The following GRIK1 variants were observed in gnomAD, a reference collection of about 807,000 sequenced individuals.
GRIK1 encodes the protein glutamate ionotropic receptor kainate type subunit 1.
GRIK1 carries 69 observed loss-of-function variants against 105.7 expected under a neutral mutation model. The ratio of observed to expected loss-of-function variants is 0.65; its 90% confidence interval spans 0.54 to 0.80. The LOEUF (loss-of-function observed/expected upper bound fraction) is 0.80. Among genes scored for constraint, GRIK1 ranks in the 30% least tolerant of loss-of-function variants. The pLI is 0.00. For missense variants in GRIK1, 1,109 were observed against 1,167.3 expected, an observed-to-expected ratio of 0.95 and a Z score of 0.73; for synonymous variants, 438 against 431.3, an observed-to-expected ratio of 1.02 and a Z score of -0.19.
intron 1 of GRIK1, among the ~76,000 whole-genome samples, chr21:29,781,470 C>T (rs2066097395): frequency 1.3e-5 from 2 of 152,172 alleles, no homozygotes; most frequent in Non-Finnish European, 2.9e-5. Flanking sequence ...ATTTCCCACT[C>T]TCATTACTCT....
At chr21:29,929,062 T>C (rs2071479408) in intron 1 of GRIK1, among the ~76,000 whole-genome samples, 1 of 152,162 alleles carries the variant, frequency 6.6e-6, no homozygotes, top group African/African-American at 2.4e-5. Context: ...CACATCTTCA[T>C]GCAGCATATC....
intron 1 of GRIK1, among the ~76,000 whole-genome samples, chr21:29,914,316 T>C (rs2146303196): frequency 6.6e-6 from 1 of 152,204 alleles, no homozygotes; most frequent in African/African-American, 2.4e-5. Flanking sequence ...GGGAACACTA[T>C]GTGACCAGTG....
At chr21:29,937,222 G>A (rs1424172681) in intron 1 of GRIK1, among the ~76,000 whole-genome samples, 2 of 152,126 alleles carry the variant, frequency 1.3e-5, no homozygotes, top group East Asian at 3.9e-4. Flanking sequence ...AGGTAAAGCT[G>A]GTTTCCACAG....
chr21:29,737,514 G>A (rs1355057292), intron 1 of GRIK1, among the ~76,000 whole-genome samples: 1 of 152,210 alleles, frequency 6.6e-6, no homozygotes, highest in African/African-American at 2.4e-5. Context: ...AGACGTGAAA[G>A]AGAAAACTGT....
intron 1 of GRIK1, among the ~76,000 whole-genome samples, chr21:29,812,113 T>C (rs995089380): frequency 6.6e-6 from 1 of 152,182 alleles, no homozygotes; most frequent in Non-Finnish European, 1.5e-5. Flanking sequence ...TGAATATATA[T>C]GTACGTGTGT....
Position 29,687,026 on chromosome 21 carries a change from G to A in GRIK1, c.544+2702C>T, listed in dbSNP as rs1166088136. On this transcript the variant is annotated intron_variant, in intron 3 of 17. Coordinates refer to ENST00000327783, the MANE Select transcript of GRIK1 (RefSeq NM_001330994.2). ...ACATCCAGGAAAGAGAGAGAAGAGAGACGAGGCGAGACGAAACTTTGCTCC... is the reference window on the plus strand; with the variant it reads ...ACATCCAGGAAAGAGAGAGAAGAGAAACGAGGCGAGACGAAACTTTGCTCC... Among the ~76,000 whole-genome samples the A allele has an allele frequency of 2.0e-5, 3 of 152,204 alleles. No homozygotes were observed. In the East Asian group the frequency reaches 5.8e-4, roughly 29 times the overall value.
rs574810973 is a variant in GRIK1, at chr21:29,741,956, C to A, written c.119-47893G>T. Among the ~76,000 whole-genome samples the A allele has an allele frequency of 7.9e-5, 12 of 152,300 alleles. No individual in the cohort carries two copies. In the South Asian group the frequency reaches 1.2e-3, roughly 16 times the overall value. ...GAAGGAAACAGAGTCCTTTTGAAAG[C>A]TCTGGGTGATGTTTGTGAATATTTA... On this transcript the variant is annotated intron_variant, in intron 1 of 17. Transcript: ENST00000327783.
intron 9 of GRIK1, among the ~76,000 whole-genome samples, chr21:29,592,822 T>A (rs979946695): frequency 2.0e-5 from 3 of 152,170 alleles, no homozygotes; most frequent in Admixed American, 6.5e-5. Flanking sequence ...CTCATTTTTT[T>A]AAAAATTCAG....
chr21:29,639,290 T>G (rs1195638008), intron 7 of GRIK1, among the ~76,000 whole-genome samples: 1 of 152,220 alleles, frequency 6.6e-6, no homozygotes, highest in Non-Finnish European at 1.5e-5. Context: ...TTATTCTATG[T>G]CCAGCATTGT....
chr21:29,733,763 A>G (rs2146907319), intron 1 of GRIK1, among the ~76,000 whole-genome samples: 1 of 152,280 alleles, frequency 6.6e-6, no homozygotes, highest in Middle Eastern at 3.4e-3. Flanking sequence ...ATGTAGATTT[A>G]CAAGGGGTAA....
At chr21:29,656,503 C>G (rs759055263) in intron 4 of GRIK1, among the ~76,000 whole-genome samples, 1 of 150,744 alleles carries the variant, frequency 6.6e-6, no homozygotes, top group African/African-American at 2.4e-5. Context: ...ATCAAAGACT[C>G]TTAGACACCA....
rs139114901 is a variant in GRIK1, at chr21:29,747,558, G to A, written c.119-53495C>T. ...AAGAATAGAAAGCATGGGCCAGGCCGGGTGGCTCACACCTATAATCCCAGC... is the reference window on the plus strand; with the variant it reads ...AAGAATAGAAAGCATGGGCCAGGCCAGGTGGCTCACACCTATAATCCCAGC... On this transcript the variant is annotated intron_variant, in intron 1 of 17. Transcript: ENST00000327783. Among the ~76,000 whole-genome samples the A allele has an allele frequency of 1.9e-4, 29 of 152,220 alleles. No individual in the cohort carries two copies. The East Asian group carries it at 5.4e-3, about 28-fold the overall frequency.
In GRIK1 at chr21:29,622,741, C is replaced by T. The variant is rs112331628; in HGVS notation, c.1098+20085G>A. 6.9e-3 allele frequency among the ~76,000 whole-genome samples: 1,050 copies of T among 152,304 alleles called. 9 individuals carry two copies. The highest frequency in any genetic ancestry group is 0.024 in the African/African-American group (990 of 41,552). ...TTCTTCCTCTGTCTTATCCAACCTTCCTTACTCCATTACTCATTTCTCCTG... is the reference window on the plus strand; with the variant it reads ...TTCTTCCTCTGTCTTATCCAACCTTTCTTACTCCATTACTCATTTCTCCTG... On this transcript the variant is annotated intron_variant, in intron 7 of 17. Coordinates refer to ENST00000327783, the MANE Select transcript of GRIK1 (RefSeq NM_001330994.2).
intron 12 of GRIK1, among the ~76,000 whole-genome samples, chr21:29,586,980 T>C (rs930742046): frequency 1.3e-5 from 2 of 152,238 alleles, no homozygotes; most frequent in Non-Finnish European, 2.9e-5. Context: ...CTGACTTTTT[T>C]ATGTTTTGCT....
At chr21:29,656,354 CAAAAAAAAAAAAAAAA>C (rs3054331) in intron 4 of GRIK1, among the ~76,000 whole-genome samples, 786 of 51,156 alleles carry the variant, frequency 0.015, 19 homozygotes, top group African/African-American at 0.039. Flanking sequence ...GAGCGAGACT[CAAAAAAAAAAAAAAAA>C]AAAAAAAAAA....
At chr21:29,561,889 T>G in intron 14 of GRIK1, 40 bp from the exon 15 acceptor site, 1 of 1,214,056 alleles carries the variant, frequency 8.2e-7, no homozygotes, top group Non-Finnish European at 1.2e-6. Flanking sequence ...AGAAGAGGGC[T>G]GGAAAAATAC....
At chr21:29,564,630 C>G (rs1179766377) in intron 14 of GRIK1, among the ~76,000 whole-genome samples, 1 of 152,176 alleles carries the variant, frequency 6.6e-6, no homozygotes, top group Non-Finnish European at 1.5e-5. Flanking sequence ...CGATTCAACT[C>G]TAAACCTAAA....
At chr21:29,907,413 AG>A (rs1370498902) in intron 1 of GRIK1, among the ~76,000 whole-genome samples, 10 of 152,286 alleles carry the variant, frequency 6.6e-5, no homozygotes, top group African/African-American at 2.4e-4. Flanking sequence ...CATAATAATT[AG>A]ATGCTTAATA....
At chr21:29,673,584 T>C (rs2063201165) in intron 3 of GRIK1, among the ~76,000 whole-genome samples, 1 of 152,218 alleles carries the variant, frequency 6.6e-6, no homozygotes, top group Non-Finnish European at 1.5e-5. Context: ...GGCTATAAAC[T>C]TCTGTAAGCC....
Sources: gnomAD v4.1 joint callset for allele counts (sites outside exome capture counted in the v4.1 genomes callset) on GRCh38, gnomAD v4.1.1 for gene constraint, MANE v1.5 for transcripts, NCBI Gene and HGNC (gene_info 2026-07-23, HGNC 2026-07-21) for gene names.